PDGFA: variants seen among roughly 807,000 people sequenced by gnomAD.
PDGFA encodes platelet-derived growth factor subunit A.
Under a neutral mutation model 25.6 loss-of-function variants are expected in PDGFA, and 9 were observed. That is an observed-to-expected ratio of 0.35 (90% CI 0.21 to 0.61). The LOEUF (loss-of-function observed/expected upper bound fraction) is 0.61, where lower values mean the gene tolerates loss of function less well. Ranked by LOEUF, PDGFA falls within the 20% of genes least tolerant of loss-of-function variation. The pLI is 0.75. For missense variants in PDGFA, 242 were observed against 272.8 expected (o/e 0.89, Z 0.79); for synonymous variants, 133 against 111.8 (o/e 1.19, Z -1.20).
chr7:505,132 A>G lies in PDGFA; in HGVS notation c.454-3890T>C, dbSNP rs1782505694. Among the ~76,000 whole-genome samples the G allele has an allele frequency of 2.0e-5, 3 of 152,348 alleles. No homozygotes were observed. The South Asian group carries it at 6.2e-4, about 32-fold the overall frequency. On this transcript the variant is annotated intron_variant, in intron 4 of 5. Transcript: ENST00000402802. ...TTTCTCCCAAGAACACAAAATGAAT[A>G]TTGGATTCTCACAAAAACCTCCTCC...
At chr7:520,156 G>T, upstream of PDGFA, 1 of 301,214 alleles carries the variant, frequency 3.3e-6, no homozygotes, top group Admixed American at 4.7e-5. Flanking sequence ...CGGGTGGGGA[G>T]GGAGGAGGCC....
chr7:503,501 C>T (rs1273703428), intron 4 of PDGFA, among the ~76,000 whole-genome samples: 1 of 152,140 alleles, frequency 6.6e-6, no homozygotes, highest in Non-Finnish European at 1.5e-5. Flanking sequence ...AGTGGCCCTG[C>T]CTCCCAGGCA....
chr7:500,517 G>A lies in PDGFA; in HGVS notation c.580+599C>T. On this transcript the variant is annotated intron_variant, in intron 5 of 5. Coordinates refer to ENST00000402802, the Ensembl canonical transcript of PDGFA. The surrounding 1 kb of genome is among the most constrained non-coding windows in gnomAD (Gnocchi z 5.0). ...AGGCCTTCCTGTTAACAAAAGGGCA[G>A]GGCGGTGAGTGGGCCGAGGGACGGC... 1 of 1,613,940 alleles carries A rather than the reference G, an allele frequency of 6.2e-7. No homozygotes were observed. Among genetic ancestry groups the A allele is most frequent in the Non-Finnish European group, 8.5e-7 (1 of 1,180,018 alleles).
intron 4 of PDGFA, among the ~76,000 whole-genome samples, chr7:503,819 C>A (rs1223591226): frequency 2.6e-5 from 4 of 152,162 alleles, no homozygotes; most frequent in African/African-American, 9.7e-5. Context: ...GCGTGGGGCG[C>A]CTGGGGTCAG....
chr7:499,323 C>T (rs981841084), intron 5 of PDGFA, among the ~76,000 whole-genome samples: 7 of 152,248 alleles, frequency 4.6e-5, no homozygotes, highest in African/African-American at 1.4e-4. Flanking sequence ...TCCCAAGAGG[C>T]TCCTCATGAA....
chr7:502,097 T>C (rs2128391494), intron 4 of PDGFA, among the ~76,000 whole-genome samples: 1 of 152,150 alleles, frequency 6.6e-6, no homozygotes, highest in Non-Finnish European at 1.5e-5. Flanking sequence ...TGGTGGCACC[T>C]GTAGTCCCAG....
Position 500,340 on chromosome 7 carries a change from C to G in PDGFA, c.580+776G>C. ...ATCAGGGCCACATCCCCGCCGCACC[C>G]GGCGAGACAGGAAGCGTGATTTGCT... On this transcript the variant is annotated intron_variant, in intron 5 of 5. Coordinates refer to ENST00000402802, the Ensembl canonical transcript of PDGFA. The surrounding 1 kb of genome is among the most constrained non-coding windows in gnomAD (Gnocchi z 5.0). The G allele has an allele frequency of 1.4e-6, 2 of 1,438,620 alleles. No individual in the cohort carries two copies. The highest frequency in any genetic ancestry group is 2.3e-5 in the South Asian group (2 of 85,418). 89.1% of individuals were successfully genotyped at this position (1,438,620 alleles called of 1,614,324 possible).
At chr7:510,434 A>G (rs1281041089) in intron 4 of PDGFA, among the ~76,000 whole-genome samples, 1 of 135,464 alleles carries the variant, frequency 7.4e-6, no homozygotes. Context: ...TGGATGCTGC[A>G]GTGTTGGATG....
upstream of PDGFA, chr7:519,842 C>G (rs1583163948): frequency 2.5e-4 from 36 of 145,926 alleles, 2 homozygotes; most frequent in South Asian, 7.3e-3. Context: ...GCAGGGCGCG[C>G]GTGTGGAGCC....
chr7:518,990 C>T, exon 1 of PDGFA: 2 of 1,539,852 alleles, frequency 1.3e-6, no homozygotes, highest in Non-Finnish European at 8.7e-7. Flanking sequence ...GCAGGCAAGC[C>T]AAGGTCCTCA....
exon 5 of PDGFA, chr7:501,189 C>T (rs752525941): frequency 1.1e-5 from 18 of 1,614,240 alleles, no homozygotes; most frequent in South Asian, 1.1e-5. Flanking sequence ...CCTCTAACCT[C>T]ACCTGGACTT....
At chr7:516,241 G>A (rs948475364) in intron 2 of PDGFA, among the ~76,000 whole-genome samples, 13 of 148,770 alleles carry the variant, frequency 8.7e-5, no homozygotes, top group African/African-American at 3.3e-4. Context: ...ATCAGCCCAG[G>A]GATTTCCTGG....
intron 4 of PDGFA, among the ~76,000 whole-genome samples, chr7:508,102 G>A (rs1473054452): frequency 6.6e-6 from 1 of 152,146 alleles, no homozygotes; most frequent in Non-Finnish European, 1.5e-5. Flanking sequence ...AAAGTGCCCG[G>A]TCGTGTGACG....
chr7:519,030 G>C, exon 1 of PDGFA: 1 of 1,510,644 alleles, frequency 6.6e-7, no homozygotes, highest in Non-Finnish European at 8.9e-7. Flanking sequence ...CTGCTCGGAG[G>C]AGAGGCGAGG....
chr7:503,810 C>T (rs898995712), intron 4 of PDGFA, among the ~76,000 whole-genome samples: 1 of 152,144 alleles, frequency 6.6e-6, no homozygotes, highest in Non-Finnish European at 1.5e-5. Flanking sequence ...AGTTGCAGGG[C>T]GTGGGGCGCC....
At chr7:508,559 CAAAAAAAAAA>C (rs766165770) in intron 4 of PDGFA, among the ~76,000 whole-genome samples, 26 of 35,670 alleles carry the variant, frequency 7.3e-4, no homozygotes, top group Admixed American at 2.9e-3. Flanking sequence ...GAAGCTGTCC[CAAAAAAAAAA>C]AAAAAAAAAA....
chr7:519,025 C>G (rs1562495240), exon 1 of PDGFA: 2 of 1,518,778 alleles, frequency 1.3e-6, no homozygotes, highest in Non-Finnish European at 1.8e-6. Context: ...GCTGGCTGCT[C>G]GGAGGAGAGG....
At chr7:504,034 A>G (rs980340209) in intron 4 of PDGFA, among the ~76,000 whole-genome samples, 4 of 152,094 alleles carry the variant, frequency 2.6e-5, no homozygotes, top group African/African-American at 9.7e-5. Context: ...CCGTGCACAC[A>G]CTTCCACCTC....
chr7:499,032 C>CCACATCCCA (rs1782211263), intron 5 of PDGFA, among the ~76,000 whole-genome samples: 1 of 152,234 alleles, frequency 6.6e-6, no homozygotes, highest in Non-Finnish European at 1.5e-5. Context: ...AAGAACAATT[C>CCACATCCCA]TTCCACATCC....
Sources: gnomAD v4.1 joint callset for allele counts (sites outside exome capture counted in the v4.1 genomes callset) on GRCh38, gnomAD v4.1.1 for gene constraint, Gnocchi (gnomAD v3.1) non-coding constraint, MANE v1.5 for transcripts, NCBI Gene and HGNC (gene_info 2026-07-23, HGNC 2026-07-21) for gene names.